PRDM10: variants seen among roughly 807,000 people sequenced by gnomAD.
PRDM10 encodes the protein PR domain zinc finger protein 10.
A neutral mutation model predicts 133.1 loss-of-function variants in PRDM10; 65 were observed. The observed-to-expected ratio is 0.49, with a 90% CI of 0.40 to 0.60. The LOEUF (loss-of-function observed/expected upper bound fraction) is 0.60. Among genes scored for constraint, PRDM10 ranks in the 20% least tolerant of loss-of-function variants. PRDM10 has a pLI of 0.00. For synonymous variants in PRDM10, 582 were observed against 580.4 expected, an observed-to-expected ratio of 1.00 and a Z score of -0.04; for missense variants, 1,137 against 1,507.1, an observed-to-expected ratio of 0.75 and a Z score of 4.07.
chr11:129,929,973 G>C (rs555510901), intron 11 of PRDM10, among the ~76,000 whole-genome samples: 10 of 152,310 alleles, frequency 6.6e-5, no homozygotes, highest in African/African-American at 2.4e-4. Context: ...ACAGTGAGCT[G>C]AGAGTTTCAT....
chr11:129,962,868 G>A (rs991563029), intron 1 of PRDM10, among the ~76,000 whole-genome samples: 18 of 152,080 alleles, frequency 1.2e-4, no homozygotes, highest in African/African-American at 3.9e-4. Flanking sequence ...AAAGGAATAG[G>A]CTGGGTGCAG....
At chr11:129,936,821 A>G (rs987169337) in intron 8 of PRDM10, among the ~76,000 whole-genome samples, 5 of 152,168 alleles carry the variant, frequency 3.3e-5, no homozygotes, top group African/African-American at 1.2e-4. Context: ...GACCACCCTG[A>G]GCCTGTGAAA....
intron 1 of PRDM10, among the ~76,000 whole-genome samples, chr11:129,983,448 C>A (rs35023587): frequency 0.13 from 20,456 of 151,934 alleles, 2,735 homozygotes; most frequent in East Asian, 0.5. Context: ...GTGCCCCCCA[C>A]CGCGCCCAGC....
At chr11:129,948,655 A>G (rs1021787700) in intron 4 of PRDM10, among the ~76,000 whole-genome samples, 1 of 152,216 alleles carries the variant, frequency 6.6e-6, no homozygotes, top group African/African-American at 2.4e-5. Context: ...TTTCCTCTGG[A>G]GGTAGCTAGA....
At chr11:129,975,314 C>G (rs1591682425) in intron 1 of PRDM10, among the ~76,000 whole-genome samples, 1 of 152,036 alleles carries the variant, frequency 6.6e-6, no homozygotes. Flanking sequence ...GTAGTCCCTA[C>G]TCGGGAGGCT....
In PRDM10 at chr11:129,954,811, C is replaced by T. The variant is rs150425754; in HGVS notation, c.294+701G>A. ...CCTTAGCCTCCCAAGTAGCTGGAAC[C>T]ACAGGTGTGCACCACCACACCTGGC... On this transcript the variant is annotated intron_variant, in intron 4 of 20. Transcript: ENST00000360871. Among the ~76,000 whole-genome samples the T allele has an allele frequency of 7.2e-5, 11 of 152,110 alleles. No homozygotes were observed. In the East Asian group the frequency reaches 1.5e-3, roughly 21 times the overall value.
At chr11:129,934,148 C>T (rs2135826344) in intron 9 of PRDM10, among the ~76,000 whole-genome samples, 1 of 152,342 alleles carries the variant, frequency 6.6e-6, no homozygotes, top group South Asian at 2.1e-4. Flanking sequence ...CTTGGCAAAG[C>T]CACAACCCTG....
intron 11 of PRDM10, among the ~76,000 whole-genome samples, chr11:129,927,931 T>C (rs1255756681): frequency 6.3e-5 from 2 of 31,920 alleles, no homozygotes; most frequent in Non-Finnish European, 9.4e-5. Flanking sequence ...TTCTTCTGCT[T>C]TCCTGAGTTC....
At chr11:129,938,602 CA>C (rs1951109391) in intron 7 of PRDM10, among the ~76,000 whole-genome samples, 1 of 152,214 alleles carries the variant, frequency 6.6e-6, no homozygotes, top group Non-Finnish European at 1.5e-5. Context: ...CTTTTCTCTG[CA>C]ATTTACACAG....
At chr11:129,963,451 G>GAAGAGAAGAGAAGAGAA (rs1252903709) in intron 1 of PRDM10, among the ~76,000 whole-genome samples, 2 of 148,854 alleles carry the variant, frequency 1.3e-5, no homozygotes, top group Non-Finnish European at 3.0e-5. Context: ...GAAGAGAAGA[G>GAAGAGAAGAGAAGAGAA]AAGAAGTCAT....
At chr11:129,996,387 G>A (rs1035377720) in intron 1 of PRDM10, among the ~76,000 whole-genome samples, 2 of 152,144 alleles carry the variant, frequency 1.3e-5, no homozygotes, top group African/African-American at 4.8e-5. Context: ...AAGAATGGTT[G>A]TTACATTTTA....
intron 20 of PRDM10, among the ~76,000 whole-genome samples, chr11:129,905,363 G>GAAAAAAAAA (rs57268294): frequency 2.9e-5 from 2 of 69,440 alleles, no homozygotes. Flanking sequence ...CTCTGTCTCA[G>GAAAAAAAAA]AAAAAAAAAA....
At chr11:129,936,829 A>C (rs1367803844) in intron 8 of PRDM10, among the ~76,000 whole-genome samples, 2 of 152,172 alleles carry the variant, frequency 1.3e-5, no homozygotes, top group Non-Finnish European at 2.9e-5. Flanking sequence ...TGAGCCTGTG[A>C]AACTTGACCT....
chr11:129,903,543 G>A (rs909473627), intron 20 of PRDM10, among the ~76,000 whole-genome samples: 12 of 152,180 alleles, frequency 7.9e-5, no homozygotes, highest in Non-Finnish European at 1.2e-4. Context: ...TCTTCGTGAC[G>A]TTCAGCCTGT....
Position 129,901,648 on chromosome 11 carries a change from G to A in PRDM10, c.*665C>T, listed in dbSNP as rs555561776. 1.3e-5 allele frequency: 2 copies of A among 152,268 alleles called. No individual in the cohort carries two copies. Among genetic ancestry groups the A allele is most frequent in the South Asian group, 4.1e-4 (2 of 4,824 alleles). The allele number at this position is 152,268 out of a possible 1,614,324, so 9.4% of individuals were successfully genotyped here. A position where few individuals can be genotyped will look rare whatever the true frequency, so the allele number is the denominator to read the frequency against. On this transcript the variant is annotated 3_prime_UTR_variant, in exon 21 of 21. Transcript: ENST00000360871. The stretch of plus-strand genomic sequence containing the variant: ...AAGAACTATCAGAACATGAGCTTCT[G>A]ACCTAATCCACTGAGGACCAGCATC...
Position 129,918,295 on chromosome 11 carries a change from A to AG in PRDM10, c.2214+243_2214+244insC, listed in dbSNP as rs1312380308. On this transcript the variant is annotated intron_variant, in intron 14 of 20. Transcript: ENST00000360871. This position sits in a 1 kb window ranked among gnomAD's most constrained non-coding sequence, Gnocchi z 5.3. Reference sequence around the variant, plus strand: ...TAGTAATGAAAAGTGATTAAAAAAAAAAAAAGAAAAAGAAAAAGACCTCTT... The same window carrying AG: ...TAGTAATGAAAAGTGATTAAAAAAAAGAAAAAGAAAAAGAAAAAGACCTCTT... Among the ~76,000 whole-genome samples the AG allele has an allele frequency of 2.0e-5, 3 of 152,090 alleles. No individual in the cohort carries two copies. Among genetic ancestry groups the AG allele is most frequent in the African/African-American group, 4.8e-5 (2 of 41,534 alleles).
intron 1 of PRDM10, among the ~76,000 whole-genome samples, chr11:129,984,386 C>T (rs746594071): frequency 2.0e-5 from 3 of 152,252 alleles, no homozygotes; most frequent in Non-Finnish European, 2.9e-5. Context: ...CTTGAGCCCG[C>T]GTTCCTGCTC....
intron 20 of PRDM10, among the ~76,000 whole-genome samples, chr11:129,903,705 A>G (rs1949919083): frequency 6.6e-6 from 1 of 152,180 alleles, no homozygotes; most frequent in South Asian, 2.1e-4. Flanking sequence ...AGCCATCGCC[A>G]AATACCCATT....
chr11:129,971,617 G>A (rs1044112076), intron 1 of PRDM10, among the ~76,000 whole-genome samples: 3 of 151,088 alleles, frequency 2.0e-5, no homozygotes, highest in African/African-American at 4.9e-5. Flanking sequence ...GTTCTCCAAG[G>A]CCCCACCAGA....
Sources: gnomAD v4.1 joint callset for allele counts (sites outside exome capture counted in the v4.1 genomes callset) on GRCh38, gnomAD v4.1.1 for gene constraint, Gnocchi (gnomAD v3.1) non-coding constraint, MANE v1.5 for transcripts, NCBI Gene and HGNC (gene_info 2026-07-23, HGNC 2026-07-21) for gene names.